FANCC: variants seen among roughly 807,000 people sequenced by gnomAD.
FANCC encodes FA complementation group C.
In FANCC, 55 loss-of-function variants were observed where a neutral mutation model predicts 71.3. The observed-to-expected ratio is 0.77, with a 90% CI of 0.62 to 0.97. FANCC has a LOEUF of 0.97. FANCC is among the 50% of genes least tolerant of loss of function. FANCC has a pLI of 0.00. For missense variants in FANCC, 678 were observed against 670.9 expected, an observed-to-expected ratio of 1.01 and a Z score of -0.12; for synonymous variants, 275 against 244.9, an observed-to-expected ratio of 1.12 and a Z score of -1.15.
intron 4 of FANCC, among the ~76,000 whole-genome samples, chr9:95,185,442 T>C (rs1826653611): frequency 6.6e-6 from 1 of 152,246 alleles, no homozygotes; most frequent in South Asian, 2.1e-4. Flanking sequence ...GTTGGACTTC[T>C]TTAGGCATGA....
At chr9:95,310,923 TTA>T (rs1197424424) in intron 1 of FANCC, among the ~76,000 whole-genome samples, 4 of 152,194 alleles carry the variant, frequency 2.6e-5, no homozygotes, top group Non-Finnish European at 5.9e-5. Context: ...GGAAAAGTCA[TTA>T]TGCATAACCA....
chr9:95,229,653 T>C (rs356678), intron 4 of FANCC, among the ~76,000 whole-genome samples: 29,033 of 152,068 alleles, frequency 0.19, 2,913 homozygotes, highest in East Asian at 0.3. Context: ...TAGTTTGAGA[T>C]ACTCATGGTC....
chr9:95,155,271 A>AAAGGGGAGGGGAAGG (rs1830398092), intron 6 of FANCC, among the ~76,000 whole-genome samples: 2 of 24,696 alleles, frequency 8.1e-5, no homozygotes, highest in Non-Finnish European at 1.4e-4. Flanking sequence ...GGAGGGGAGG[A>AAAGGGGAGGGGAAGG]AAGGGGAGGG....
intron 3 of FANCC, among the ~76,000 whole-genome samples, chr9:95,242,814 G>A (rs1433896452): frequency 1.3e-5 from 2 of 152,162 alleles, no homozygotes; most frequent in Non-Finnish European, 2.9e-5. Flanking sequence ...ATTCACAAGT[G>A]CCACCAGCAC....
At chr9:95,214,334 G>C (rs1401190430) in intron 4 of FANCC, among the ~76,000 whole-genome samples, 1 of 152,122 alleles carries the variant, frequency 6.6e-6, no homozygotes, top group African/African-American at 2.4e-5. Context: ...GAAGAGGCTG[G>C]GGTTGGAAGA....
At chr9:95,153,853 T>A (rs780504413) in intron 6 of FANCC, among the ~76,000 whole-genome samples, 8 of 152,218 alleles carry the variant, frequency 5.3e-5, no homozygotes. Context: ...GGCATTCCTA[T>A]CCCCATTTTC....
chr9:95,295,597 C>A (rs999037473), intron 1 of FANCC, among the ~76,000 whole-genome samples: 1 of 151,784 alleles, frequency 6.6e-6, no homozygotes, highest in Non-Finnish European at 1.5e-5. Context: ...AGAGCAAAAC[C>A]CCATCTGTAC....
intron 6 of FANCC, among the ~76,000 whole-genome samples, chr9:95,163,064 T>G (rs1564711138): frequency 6.6e-6 from 1 of 152,222 alleles, no homozygotes; most frequent in African/African-American, 2.4e-5. Flanking sequence ...TCCTACAGTT[T>G]CAGGTCTTAC....
At chr9:95,217,899 G>A (rs1317336462) in intron 4 of FANCC, among the ~76,000 whole-genome samples, 1 of 152,174 alleles carries the variant, frequency 6.6e-6, no homozygotes, top group East Asian at 1.9e-4. Context: ...AAATTCCAAT[G>A]TCAGAAATAA....
intron 1 of FANCC, among the ~76,000 whole-genome samples, chr9:95,276,361 G>A (rs1417091714): frequency 6.6e-6 from 1 of 152,084 alleles, no homozygotes; most frequent in Non-Finnish European, 1.5e-5. Context: ...TAATTCAATG[G>A]GCCAGCTTTT....
chr9:95,108,723 A>G (rs1300715877), intron 13 of FANCC, among the ~76,000 whole-genome samples: 1 of 152,244 alleles, frequency 6.6e-6, no homozygotes, highest in Non-Finnish European at 1.5e-5. Context: ...CATTAAAATG[A>G]TCTATAACTC....
chr9:95,212,207 T>C (rs1407764539), intron 4 of FANCC, among the ~76,000 whole-genome samples: 2 of 152,036 alleles, frequency 1.3e-5, no homozygotes, highest in Non-Finnish European at 2.9e-5. Flanking sequence ...AAAGGAATGA[T>C]AACTAAATTT....
At chr9:95,280,485 C>T (rs1028002110) in intron 1 of FANCC, among the ~76,000 whole-genome samples, 1 of 152,114 alleles carries the variant, frequency 6.6e-6, no homozygotes, top group Non-Finnish European at 1.5e-5. Context: ...CTTAAGATCA[C>T]ATGGAATATT....
In FANCC at chr9:95,265,009, A is replaced by G. The variant is rs1262145887; in HGVS notation, c.-78-15640T>C. ...TTTTTTTTTTTTTGAAAGTCACAAT[A>G]AAAGATTCTTGTTCCCATTAAGTGC... On this transcript the variant is annotated intron_variant, in intron 1 of 14. Transcript: ENST00000289081. 3.3e-5 allele frequency among the ~76,000 whole-genome samples: 5 copies of G among 150,334 alleles called. No individual in the cohort carries two copies. The East Asian group carries it at 5.8e-4, about 18-fold the overall frequency.
intron 7 of FANCC, among the ~76,000 whole-genome samples, chr9:95,148,294 A>C (rs1829834733): frequency 6.6e-6 from 1 of 152,116 alleles, no homozygotes; most frequent in Non-Finnish European, 1.5e-5. Context: ...GGAGAAAAGC[A>C]CTCCACTTGT....
rs533679608 is a variant in FANCC at position 95,230,709 on chromosome 9, G to A, written c.345+9940C>T. Among the ~76,000 whole-genome samples the A allele has an allele frequency of 3.9e-5, 6 of 152,288 alleles. No homozygotes were observed. In the East Asian group the frequency reaches 1.2e-3, roughly 29 times the overall value. ...AGTGAGCAGCAGCAAGACTTATTGT[G>A]AAGAGCGAAAGAACAAAGCTTCCAC... On this transcript the variant is annotated intron_variant, in intron 4 of 14. Transcript: ENST00000289081.
At chr9:95,297,174 A>G (rs1375811217) in intron 1 of FANCC, among the ~76,000 whole-genome samples, 2 of 152,214 alleles carry the variant, frequency 1.3e-5, no homozygotes, top group African/African-American at 4.8e-5. Context: ...AGGGACTTTC[A>G]GCAAAGTGTA....
chr9:95,215,909 T>C (rs1290078995), intron 4 of FANCC, among the ~76,000 whole-genome samples: 2 of 152,192 alleles, frequency 1.3e-5, no homozygotes, highest in African/African-American at 4.8e-5. Context: ...ACCCAGAATC[T>C]AAAAAGGCAT....
chr9:95,199,944 AG>A (rs1827705364), intron 4 of FANCC, among the ~76,000 whole-genome samples: 1 of 152,230 alleles, frequency 6.6e-6, no homozygotes, highest in African/African-American at 2.4e-5. Context: ...TCTTATTTTT[AG>A]GATGATTTAT....
Sources: gnomAD v4.1 joint callset for allele counts (sites outside exome capture counted in the v4.1 genomes callset) on GRCh38, gnomAD v4.1.1 for gene constraint, MANE v1.5 for transcripts, NCBI Gene and HGNC (gene_info 2026-07-23, HGNC 2026-07-21) for gene names.